Variants in INKA2 observed in about 807,000 individuals in gnomAD.
INKA2 encodes inka box actin regulator 2, also known as PAK4-inhibitor INKA2.
INKA2 carries 3 observed loss-of-function variants against 9.8 expected under a neutral mutation model. That is an observed-to-expected ratio of 0.31 (90% CI 0.14 to 0.79). The LOEUF (loss-of-function observed/expected upper bound fraction) is 0.79. Among genes scored for constraint, INKA2 ranks in the 30% least tolerant of loss-of-function variants. The pLI is 0.62. For synonymous variants in INKA2, 147 were observed against 143.3 expected, an observed-to-expected ratio of 1.03 and a Z score of -0.18; for missense variants, 392 against 384.4, an observed-to-expected ratio of 1.02 and a Z score of -0.17.
At chr1:111,741,673 T>A (rs562501424), upstream of INKA2, among the ~76,000 whole-genome samples, 189 of 152,318 alleles carry the variant, frequency 1.2e-3, no homozygotes, top group African/African-American at 4.3e-3. Context: ...TAGTCAGATG[T>A]AAGAAACTCT....
Position 111,727,449 on chromosome 1 carries a change from G to T in INKA2, c.413C>A (p.Pro138Gln). 6.2e-7 allele frequency: 1 copy of T among 1,614,220 alleles called. No individual in the cohort carries two copies. Among genetic ancestry groups the T allele is most frequent in the Non-Finnish European group, 8.5e-7 (1 of 1,180,036 alleles). Residue 138 changes from proline to glutamine, a missense_variant, in exon 2 of 2, where the codon CCG (proline) becomes CAG (glutamine). Physicochemically the swap from Pro to Gln is moderately conservative, Grantham distance 76 (BLOSUM62 -1). Transcript: ENST00000357260. ...CATCAACGTGGAGGTCCAGTCATCCGGTTCCACTCGCTCTGGCCCCTGCTG... is the reference window on the plus strand; with the variant it reads ...CATCAACGTGGAGGTCCAGTCATCCTGTTCCACTCGCTCTGGCCCCTGCTG... Reference protein sequence around the residue: ...CAQQGPERVEPDDWTSTLMSR... With the variant: ...CAQQGPERVEQDDWTSTLMSR...
At position 111,727,681 on chromosome 1, in the gene INKA2, C is replaced by A; in HGVS notation, c.181G>T (p.Gly61Cys). 1.2e-6 allele frequency: 2 copies of A among 1,612,582 alleles called. No individual in the cohort carries two copies. Among genetic ancestry groups the A allele is most frequent in the East Asian group, 2.2e-5 (1 of 44,882 alleles). Residue 61 changes from glycine (G) to cysteine (C), a missense_variant, in exon 2 of 2, where the codon GGT becomes TGT. Gly to Cys is a radical substitution (Grantham distance 159). Transcript: ENST00000357260. ...ALEQLEISGG[G>C]PVPGSPEGPR... ...CCTTCAGGGCTGCCTGGCACAGGAC[C>A]CCCTCCAGAGATCTCCAGCTGTTCC...
At chr1:111,739,111 G>A in intron 1 of INKA2, 75 bp downstream of exon 1, 1 of 1,446,656 alleles carries the variant, frequency 6.9e-7, no homozygotes, top group Non-Finnish European at 9.7e-7. Context: ...CCGGCTCCCC[G>A]GGGGCCGGGG....
At chr1:111,742,802 G>A (rs148903452), upstream of INKA2, among the ~76,000 whole-genome samples, 170 of 152,390 alleles carry the variant, frequency 1.1e-3, no homozygotes, top group African/African-American at 3.9e-3. Flanking sequence ...GTATCACTGT[G>A]TGGTTCCCAC....
intron 1 of INKA2, among the ~76,000 whole-genome samples, chr1:111,731,581 G>T (rs558462701): frequency 2.6e-5 from 4 of 152,088 alleles, no homozygotes; most frequent in Non-Finnish European, 5.9e-5. Flanking sequence ...CGAACTCCTG[G>T]ACTCAAGCCA....
At chr1:111,750,356 G>A (rs915995382) in intron 1 of INKA2, among the ~76,000 whole-genome samples, 3 of 152,296 alleles carry the variant, frequency 2.0e-5, no homozygotes, top group Admixed American at 6.5e-5. Context: ...TATTTTCCAC[G>A]TTGGGAGGTA....
intron 1 of INKA2, chr1:111,746,684 G>T (rs889881703): frequency 1.3e-5 from 2 of 152,192 alleles, no homozygotes; most frequent in African/African-American, 2.4e-5. Flanking sequence ...AATAGGCCTA[G>T]TCTAACATAT....
At chr1:111,748,141 G>A (rs920522365) in intron 1 of INKA2, among the ~76,000 whole-genome samples, 14 of 152,236 alleles carry the variant, frequency 9.2e-5, no homozygotes, top group Admixed American at 2.6e-4. Context: ...GGTGGGCTGC[G>A]CTAGGCTAGT....
Position 111,726,700 on chromosome 1 carries a change from G to GACACACACATGCACACAC in INKA2, c.*250_*267dup, listed in dbSNP as rs1553231131. 2.1e-6 allele frequency: 1 copy of GACACACACATGCACACAC among 482,304 alleles called. No individual in the cohort carries two copies. The highest frequency in any genetic ancestry group is 3.7e-6 in the Non-Finnish European group (1 of 270,444). 29.9% of individuals were successfully genotyped at this position (482,304 alleles called of 1,614,324 possible). ...AAAGTGAGTGCATGCATGCCAGACA[G>GACACACACATGCACACAC]ACACACACATGCACACACACACACA... On this transcript the variant is annotated 3_prime_UTR_variant, in exon 2 of 2. Transcript: ENST00000357260.
At chr1:111,753,804 G>A (rs901762234) in intron 1 of INKA2, 3 of 152,200 alleles carry the variant, frequency 2.0e-5, no homozygotes, top group Admixed American at 2.0e-4. Context: ...TTTAATGTGA[G>A]GCACATACAA....
exon 1 of INKA2, chr1:111,755,785 G>T: frequency 1.2e-6 from 2 of 1,610,460 alleles, no homozygotes; most frequent in South Asian, 1.1e-5. Flanking sequence ...CTCAGCCTCC[G>T]ACTCCCGTCC....
intron 1 of INKA2, 92 bp from the exon 2 acceptor site, chr1:111,727,896 A>G: frequency 8.1e-7 from 1 of 1,231,762 alleles, no homozygotes; most frequent in Non-Finnish European, 1.2e-6. Flanking sequence ...ACCCAAACAT[A>G]CACTTCCAGG....
upstream of INKA2, among the ~76,000 whole-genome samples, chr1:111,742,495 G>A (rs1663171215): frequency 6.6e-6 from 1 of 152,212 alleles, no homozygotes; most frequent in Non-Finnish European, 1.5e-5. Flanking sequence ...TGAGGCAGTA[G>A]AATCGCCTGA....
Position 111,727,875 on chromosome 1 carries a change from T to G in INKA2, c.58-71A>C, listed in dbSNP as rs915294301. 4 of 1,461,656 alleles carry G rather than the reference T, an allele frequency of 2.7e-6. No individual in the cohort carries two copies. The African/African-American group carries it at 4.2e-5, about 15-fold the overall frequency. 90.5% of individuals were successfully genotyped at this position (1,461,656 alleles called of 1,614,324 possible). On this transcript the variant is annotated intron_variant, in intron 1 of 1. Transcript: ENST00000357260. ...AGCAGTGCCTCTCCCAGCCCTGAAC[T>G]TAGGTCCCCCACCCAAACATACACT...
At chr1:111,750,995 C>A (rs1367916175) in intron 1 of INKA2, among the ~76,000 whole-genome samples, 1 of 152,190 alleles carries the variant, frequency 6.6e-6, no homozygotes, top group African/African-American at 2.4e-5. Flanking sequence ...GTTCTCTGTG[C>A]CTAGAATATC....
At position 111,751,017 on chromosome 1, in the gene INKA2, T is replaced by C. The variant is rs528078935; in HGVS notation, n.124+4684A>G. Reference sequence around the variant, plus strand: ...GTGCCTAGAATATCTTTCTGAGACTTGTCTGCCTGGTGAGCTCTCTTTCCA... The same window carrying C: ...GTGCCTAGAATATCTTTCTGAGACTCGTCTGCCTGGTGAGCTCTCTTTCCA... On this transcript the variant is annotated intron_variant and non_coding_transcript_variant, in intron 1 of 1. Coordinates refer to the INKA2 transcript ENST00000444059. Among the ~76,000 whole-genome samples the C allele has an allele frequency of 2.0e-5, 3 of 152,344 alleles. No individual in the cohort carries two copies. The South Asian group carries it at 6.2e-4, about 32-fold the overall frequency.
upstream of INKA2, among the ~76,000 whole-genome samples, chr1:111,741,246 G>T (rs1435319563): frequency 1.3e-5 from 2 of 152,156 alleles, no homozygotes; most frequent in African/African-American, 4.8e-5. Flanking sequence ...AGCCCCAAGT[G>T]TCCCTCTGGG....
At chr1:111,739,954 A>C (rs1395955030), upstream of INKA2, 1 of 152,176 alleles carries the variant, frequency 6.6e-6, no homozygotes. Context: ...CGCCTGTCAC[A>C]CAAAGCCGCC....
At position 111,727,388 on chromosome 1, in the gene INKA2, C is replaced by T; in HGVS notation, c.474G>A (p.Gly158=). 1 of 1,613,986 alleles carries T rather than the reference C, an allele frequency of 6.2e-7. No individual in the cohort carries two copies. Among genetic ancestry groups the T allele is most frequent in the Non-Finnish European group, 8.5e-7 (1 of 1,179,954 alleles). Residue 158 remains glycine (G), a synonymous_variant, in exon 2 of 2, where the codon GGG becomes GGA. Coordinates refer to ENST00000357260, the MANE Select transcript of INKA2 (RefSeq NM_019099.5). ...CCACCAGGTCTGCAAAAACGTTGTC[C>T]CCTAACACCAGAGGCTGTCGATTCC... ...RGRNRQPLVL[G]DNVFADLVGN...
Sources: allele counts gnomAD v4.1 joint callset (sites outside exome capture counted in the v4.1 genomes callset), GRCh38; gene constraint gnomAD v4.1.1; transcripts MANE v1.5; gene names NCBI Gene and HGNC (gene_info 2026-07-23, HGNC 2026-07-21).